The following NELL2 variants were observed in gnomAD, a reference collection of about 807,000 sequenced individuals.
The protein encoded by NELL2 is neural EGFL like 2, also known as protein kinase C-binding protein NELL2.
Under a neutral mutation model 109.6 loss-of-function variants are expected in NELL2, and 41 were observed. That is an observed-to-expected ratio of 0.37 (90% CI 0.29 to 0.49). The LOEUF is 0.49. Ranked by LOEUF, NELL2 falls within the 20% of genes least tolerant of loss-of-function variation. NELL2 has a pLI of 0.98. For synonymous variants in NELL2, 355 were observed against 344.7 expected, an observed-to-expected ratio of 1.03 and a Z score of -0.33; for missense variants, 900 against 1,008.3, an observed-to-expected ratio of 0.89 and a Z score of 1.45.
chr12:44,658,877 C>CAAAAAAAAAA (rs58696965), intron 13 of NELL2, among the ~76,000 whole-genome samples: 6 of 69,890 alleles, frequency 8.6e-5, no homozygotes, highest in Admixed American at 1.7e-4. Flanking sequence ...ACTCTGTCTC[C>CAAAAAAAAAA]AAAAAAAAAA....
At chr12:44,698,161 T>C (rs867209758) in intron 12 of NELL2, among the ~76,000 whole-genome samples, 5 of 152,222 alleles carry the variant, frequency 3.3e-5, no homozygotes, top group Non-Finnish European at 7.3e-5. Flanking sequence ...CATGATTTTA[T>C]CTCATCTTAA....
chr12:44,814,157 G>A (rs966787773), intron 3 of NELL2, among the ~76,000 whole-genome samples: 23 of 152,084 alleles, frequency 1.5e-4, no homozygotes, highest in Admixed American at 3.3e-4. Flanking sequence ...AGGAGCAGAT[G>A]GAGGGCCCTA....
intron 10 of NELL2, among the ~76,000 whole-genome samples, chr12:44,712,867 A>G (rs987424131): frequency 6.6e-6 from 1 of 151,912 alleles, no homozygotes; most frequent in African/African-American, 2.4e-5. Context: ...TATATCGGGG[A>G]AAACAGAAAA....
chr12:44,802,826 A>T (rs1942876607), intron 3 of NELL2, among the ~76,000 whole-genome samples: 1 of 152,092 alleles, frequency 6.6e-6, no homozygotes, highest in Non-Finnish European at 1.5e-5. Flanking sequence ...CATTTTATCC[A>T]TGTCACTAAG....
intron 19 of NELL2, among the ~76,000 whole-genome samples, chr12:44,514,517 A>C (rs912579384): frequency 6.6e-6 from 1 of 151,592 alleles, no homozygotes; most frequent in Non-Finnish European, 1.5e-5. Flanking sequence ...GTATATTATT[A>C]TAATTATATT....
chr12:44,573,611 A>C (rs779724562), intron 15 of NELL2, among the ~76,000 whole-genome samples: 1 of 152,216 alleles, frequency 6.6e-6, no homozygotes, highest in Non-Finnish European at 1.5e-5. Flanking sequence ...CAAAGAACAG[A>C]ATATATTCTT....
In NELL2 at chr12:44,779,912, T is replaced by C. The variant is rs139597763; in HGVS notation, c.446A>G (p.Lys149Arg). 114 of 1,613,974 alleles carry C rather than the reference T, an allele frequency of 7.1e-5. No individual in the cohort carries two copies. In the African/African-American group the frequency reaches 1.5e-3, roughly 21 times the overall value. The change falls in exon 4 of 20, where the codon AAG (lysine) becomes AGG (arginine). Residue 149 changes from lysine to arginine, a missense_variant. Lys to Arg is a conservative substitution (Grantham distance 26). Coordinates refer to ENST00000429094, the MANE Select transcript of NELL2 (RefSeq NM_001145108.2). ...EVFPYILADDKWHKLSLAISA... is the reference protein window; with the variant it reads ...EVFPYILADDRWHKLSLAISA... Reference sequence around the variant, plus strand: ...GATGGCTAAGGAGAGCTTGTGCCACTTGTCATCAGCCAAAATGTAAGGAAA... The same window carrying C: ...GATGGCTAAGGAGAGCTTGTGCCACCTGTCATCAGCCAAAATGTAAGGAAA...
At chr12:44,523,153 A>G (rs1361799269) in intron 17 of NELL2, 138 bp downstream of exon 17, 2 of 860,438 alleles carry the variant, frequency 2.3e-6, no homozygotes, top group Admixed American at 4.6e-5. Context: ...GGGATAATGG[A>G]AGTGTTCTGT....
chr12:44,516,941 C>A (rs950175118), intron 19 of NELL2, among the ~76,000 whole-genome samples: 1 of 147,934 alleles, frequency 6.8e-6, no homozygotes, highest in Admixed American at 6.7e-5. Flanking sequence ...TCTATAGAAG[C>A]ACTAATCTTT....
chr12:44,778,980 C>T (rs541701147), intron 5 of NELL2, among the ~76,000 whole-genome samples: 3 of 152,262 alleles, frequency 2.0e-5, no homozygotes, highest in East Asian at 3.9e-4. Flanking sequence ...ATTTGGTAAT[C>T]ATTCATCGAG....
intron 13 of NELL2, among the ~76,000 whole-genome samples, chr12:44,650,446 C>A (rs950868941): frequency 2.6e-5 from 4 of 152,020 alleles, no homozygotes; most frequent in Admixed American, 2.6e-4. Context: ...CAGGCGCCTG[C>A]CACCACGCCT....
At chr12:44,907,829 T>G (rs1945737118) in intron 1 of NELL2, among the ~76,000 whole-genome samples, 1 of 152,106 alleles carries the variant, frequency 6.6e-6, no homozygotes, top group African/African-American at 2.4e-5. Flanking sequence ...AATGATGTTC[T>G]TGAGTGCATT....
chr12:44,615,654 C>G (rs932723442), intron 13 of NELL2, among the ~76,000 whole-genome samples: 1 of 151,928 alleles, frequency 6.6e-6, no homozygotes. Flanking sequence ...TTATAATTAT[C>G]CAGAAGTTTT....
At chr12:44,563,932 A>G (rs1943564869) in intron 15 of NELL2, among the ~76,000 whole-genome samples, 1 of 152,206 alleles carries the variant, frequency 6.6e-6, no homozygotes, top group African/African-American at 2.4e-5. Context: ...GTTATCAGAA[A>G]TCTTATTTTA....
rs537143563 is a variant in NELL2, at chr12:44,547,340, G to A, written c.1664-14619C>T. On this transcript the variant is annotated intron_variant, in intron 15 of 19. Coordinates refer to ENST00000429094, the MANE Select transcript of NELL2 (RefSeq NM_001145108.2). ...ACAGTGATTAAATAAATTATAGCAC[G>A]TGCATAAAATGGAATGCTATACAGC... 2.0e-5 allele frequency among the ~76,000 whole-genome samples: 3 copies of A among 152,290 alleles called. No homozygotes were observed. The East Asian group carries it at 5.8e-4, about 29-fold the overall frequency.
In NELL2 at chr12:44,825,584, C is replaced by A. The variant is rs535613136; in HGVS notation, c.185-9448G>T. 4.0e-5 allele frequency among the ~76,000 whole-genome samples: 6 copies of A among 149,656 alleles called. No homozygotes were observed. In the East Asian group the frequency reaches 1.2e-3, roughly 30 times the overall value. On this transcript the variant is annotated intron_variant, in intron 2 of 19. Coordinates refer to ENST00000429094, the MANE Select transcript of NELL2 (RefSeq NM_001145108.2). ...CTAATTTTTGTATTTTTAGTAGAGA[C>A]GAGTTTTCACCATGTTAGCAAAGAT...
chr12:44,617,191 C>A (rs1945851991), intron 13 of NELL2, among the ~76,000 whole-genome samples: 1 of 151,960 alleles, frequency 6.6e-6, no homozygotes, highest in South Asian at 2.1e-4. Flanking sequence ...AGTAGGACCA[C>A]AACTAAATTT....
At chr12:44,531,976 A>G (rs1942083601) in intron 16 of NELL2, among the ~76,000 whole-genome samples, 1 of 152,202 alleles carries the variant, frequency 6.6e-6, no homozygotes. Context: ...CAGATTTGTC[A>G]GTCTGTTGAA....
chr12:44,534,320 G>A (rs1049154497), intron 15 of NELL2, among the ~76,000 whole-genome samples: 2 of 151,940 alleles, frequency 1.3e-5, no homozygotes, highest in African/African-American at 4.8e-5. Context: ...TTAGGTAATA[G>A]GCAAAAAATA....
Sources: gnomAD v4.1 joint callset for allele counts (sites outside exome capture counted in the v4.1 genomes callset) on GRCh38, gnomAD v4.1.1 for gene constraint, MANE v1.5 for transcripts, NCBI Gene and HGNC (gene_info 2026-07-23, HGNC 2026-07-21) for gene names.